ATF7: variants seen among roughly 807,000 people sequenced by gnomAD.
The protein encoded by ATF7 is cyclic AMP-dependent transcription factor ATF-7.
In ATF7, 10 loss-of-function variants were observed where a neutral mutation model predicts 50.4. The ratio of observed to expected loss-of-function variants is 0.20; its 90% CI spans 0.12 to 0.34. The LOEUF is 0.34. ATF7 is among the 10% of genes least tolerant of loss of function. The pLI is 1.00. For missense variants in ATF7, 465 were observed against 613.9 expected (o/e 0.76, Z 2.56); for synonymous variants, 201 against 226.4 (o/e 0.89, Z 1.01).
intron 2 of ATF7, among the ~76,000 whole-genome samples, chr12:53,597,748 G>A (rs534408429): frequency 1.5e-4 from 23 of 150,806 alleles, no homozygotes; most frequent in Non-Finnish European, 2.2e-4. Flanking sequence ...GGCGGAGCTT[G>A]CAGTGAGCTG....
Position 53,515,112 on chromosome 12 carries a change from G to T in ATF7, c.*2025C>A, listed in dbSNP as rs1937633673. Reference sequence around the variant, plus strand: ...CTGAATCACTTCAGGGCCTATTCCTGTTGGGTACCTGATGGTAGAGGATGA... The same window carrying T: ...CTGAATCACTTCAGGGCCTATTCCTTTTGGGTACCTGATGGTAGAGGATGA... On this transcript the variant is annotated 3_prime_UTR_variant, in exon 12 of 12. Coordinates refer to ENST00000420353, the MANE Select transcript of ATF7 (RefSeq NM_006856.3). 1 of 152,200 alleles carries T rather than the reference G, an allele frequency of 6.6e-6. No homozygotes were observed. The highest frequency in any genetic ancestry group is 1.9e-4 in the East Asian group (1 of 5,196). The allele number at this position is 152,200 out of a possible 1,614,324, so 9.4% of individuals were successfully genotyped here.
chr12:53,554,870 G>GAAAAAAAAAAAAAAA (rs61675595), intron 2 of ATF7, among the ~76,000 whole-genome samples: 3 of 76,044 alleles, frequency 3.9e-5, no homozygotes, highest in Non-Finnish European at 4.9e-5. Context: ...CTCAAAAAAA[G>GAAAAAAAAAAAAAAA]AAAAAAAAAA....
chr12:53,606,189 GAT>G (rs373472752), intron 1 of ATF7, among the ~76,000 whole-genome samples: 16 of 148,718 alleles, frequency 1.1e-4, no homozygotes, highest in Admixed American at 2.0e-4. Flanking sequence ...GAGCTATTAA[GAT>G]ATATATATAT....
chr12:53,592,007 C>G (rs1043759784), intron 2 of ATF7, among the ~76,000 whole-genome samples: 1 of 151,830 alleles, frequency 6.6e-6, no homozygotes, highest in Non-Finnish European at 1.5e-5. Context: ...GCTATGTTTG[C>G]TCAAAATCTG....
intron 2 of ATF7, among the ~76,000 whole-genome samples, chr12:53,555,384 T>C (rs763859660): frequency 4.7e-5 from 7 of 150,106 alleles, no homozygotes; most frequent in Non-Finnish European, 7.4e-5. Context: ...TAACCAGGGG[T>C]ATGATATTTG....
chr12:53,553,523 T>C (rs1334074152), intron 2 of ATF7, among the ~76,000 whole-genome samples: 1 of 152,040 alleles, frequency 6.6e-6, no homozygotes, highest in African/African-American at 2.4e-5. Context: ...TTAAGTAAAA[T>C]AGGGTTACTG....
intron 6 of ATF7, among the ~76,000 whole-genome samples, chr12:53,533,569 A>G (rs1939033030): frequency 6.6e-6 from 1 of 152,202 alleles, no homozygotes; most frequent in African/African-American, 2.4e-5. Context: ...GGAAAGGGGA[A>G]GTTGGATCAA....
intron 4 of ATF7, among the ~76,000 whole-genome samples, chr12:53,539,622 G>A (rs964959834): frequency 2.6e-5 from 4 of 152,062 alleles, no homozygotes; most frequent in Admixed American, 2.6e-4. Context: ...TCAGGAGGTG[G>A]AGGCTGCAGT....
At chr12:53,571,341 A>T (rs964471467) in intron 2 of ATF7, among the ~76,000 whole-genome samples, 3 of 152,134 alleles carry the variant, frequency 2.0e-5, no homozygotes, top group Non-Finnish European at 2.9e-5. Context: ...GTTTGTGGTA[A>T]TTTGTTATAA....
chr12:53,568,068 T>C (rs189934022), intron 2 of ATF7, among the ~76,000 whole-genome samples: 30 of 152,216 alleles, frequency 2.0e-4, no homozygotes, highest in African/African-American at 5.5e-4. Flanking sequence ...ATGAACCTAC[T>C]ACATTGTGGT....
intron 2 of ATF7, among the ~76,000 whole-genome samples, chr12:53,560,514 C>T (rs1941039328): frequency 6.6e-6 from 1 of 152,212 alleles, no homozygotes; most frequent in Non-Finnish European, 1.5e-5. Flanking sequence ...TTCAAGCTAA[C>T]TCCTTGGTAA....
intron 1 of ATF7, among the ~76,000 whole-genome samples, chr12:53,613,386 T>C (rs1943980735): frequency 6.6e-6 from 1 of 152,254 alleles, no homozygotes; most frequent in Admixed American, 6.5e-5. Context: ...GTTATTTATG[T>C]TAACATGTAA....
intron 4 of ATF7, among the ~76,000 whole-genome samples, chr12:53,539,129 G>A (rs1241247702): frequency 6.6e-6 from 1 of 152,174 alleles, no homozygotes; most frequent in Non-Finnish European, 1.5e-5. Flanking sequence ...TCCTGTACAG[G>A]CAGGAGGATA....
chr12:53,553,404 G>A (rs1478570700), intron 2 of ATF7, among the ~76,000 whole-genome samples: 2 of 152,206 alleles, frequency 1.3e-5, no homozygotes, highest in African/African-American at 4.8e-5. Flanking sequence ...GGAGGAGCCT[G>A]TAGGCAGGAT....
At chr12:53,567,823 G>C (rs1257977921) in intron 2 of ATF7, among the ~76,000 whole-genome samples, 1 of 152,100 alleles carries the variant, frequency 6.6e-6, no homozygotes, top group East Asian at 1.9e-4. Context: ...AGCAAGAAAA[G>C]GTTATTTTAA....
intron 3 of ATF7, among the ~76,000 whole-genome samples, chr12:53,544,565 G>T (rs1242333337): frequency 1.3e-5 from 2 of 152,044 alleles, no homozygotes; most frequent in African/African-American, 4.8e-5. Flanking sequence ...TGGCCAACAT[G>T]GTGAAACTCC....
At chr12:53,590,200 A>T (rs1942882278) in intron 2 of ATF7, among the ~76,000 whole-genome samples, 2 of 152,184 alleles carry the variant, frequency 1.3e-5, no homozygotes, top group Admixed American at 6.5e-5. Flanking sequence ...CTAACCCCAA[A>T]TAAAAACGTC....
chr12:53,594,708 C>T (rs1199258938), intron 2 of ATF7, among the ~76,000 whole-genome samples: 2 of 151,888 alleles, frequency 1.3e-5, no homozygotes, highest in Non-Finnish European at 1.5e-5. Context: ...GCCAACATGG[C>T]GACACCCCAT....
chr12:53,525,866 ACACAGGCTTGAG>A (rs1199350157), intron 9 of ATF7, among the ~76,000 whole-genome samples: 2 of 152,190 alleles, frequency 1.3e-5, no homozygotes, highest in Non-Finnish European at 2.9e-5. Flanking sequence ...TCAGCCTTGA[ACACAGGCTTGAG>A]CTGCAAAGGT....
Sources: allele counts gnomAD v4.1 joint callset (sites outside exome capture counted in the v4.1 genomes callset), GRCh38; gene constraint gnomAD v4.1.1; transcripts MANE v1.5; gene names NCBI Gene and HGNC (gene_info 2026-07-23, HGNC 2026-07-21).